SLC22A11: variants seen among roughly 807,000 people sequenced by gnomAD.
SLC22A11 encodes organic anion transporter 4.
A neutral mutation model predicts 49.4 loss-of-function variants in SLC22A11; 42 were observed. That is an observed-to-expected ratio of 0.85 (90% CI 0.66 to 1.10). The LOEUF (loss-of-function observed/expected upper bound fraction) is 1.10, where lower values mean the gene tolerates loss of function less well. Ranked by LOEUF, SLC22A11 falls within the 50% of genes least tolerant of loss-of-function variation. The pLI, the probability that SLC22A11 is intolerant of heterozygous loss-of-function variation, is 0.00. For missense variants in SLC22A11, 685 were observed against 731.6 expected, an observed-to-expected ratio of 0.94 and a Z score of 0.74; for synonymous variants, 304 against 315.8, an observed-to-expected ratio of 0.96 and a Z score of 0.40.
rs1565123713 is a variant in SLC22A11 at position 64,567,684 on chromosome 11, G to A, written c.1144G>A (p.Gly382Arg). The A allele has an allele frequency of 3.1e-6, 5 of 1,613,956 alleles. No homozygotes were observed. Among genetic ancestry groups the A allele is most frequent in the Admixed American group, 1.7e-5 (1 of 60,024 alleles). The change falls in exon 7 of 10, where the codon GGG becomes AGG. Residue 382 changes from glycine (G) to arginine (R), a missense_variant. By Grantham distance (125) the Gly-to-Arg change is moderately radical (BLOSUM62 -2). Coordinates refer to ENST00000301891, the MANE Select transcript of SLC22A11 (RefSeq NM_018484.4). ...CATCTTCCTCCTCCAGGCCCTCTTCGGGGCCGTGGACTTCCTGGGCCGGGC... is the reference window on the plus strand; with the variant it reads ...CATCTTCCTCCTCCAGGCCCTCTTCAGGGCCGTGGACTTCCTGGGCCGGGC... ...RDIFLLQALFGAVDFLGRATT... is the reference protein window; with the variant it reads ...RDIFLLQALFRAVDFLGRATT...
intron 2 of SLC22A11, among the ~76,000 whole-genome samples, chr11:64,561,604 T>C (rs559157184): frequency 1.2e-4 from 8 of 69,392 alleles, no homozygotes; most frequent in African/African-American, 7.4e-4. Context: ...ACCTGGCTAA[T>C]TTATTTATTT....
chr11:64,556,456 T>C, intron 1 of SLC22A11, 64 bp downstream of exon 1: 1 of 1,574,766 alleles, frequency 6.4e-7, no homozygotes, highest in Non-Finnish European at 8.6e-7. Context: ...TGGATCAGGT[T>C]GGTTGGACTC....
chr11:64,561,858 G>C, intron 2 of SLC22A11, 146 bp from the exon 3 acceptor site: 1 of 895,984 alleles, frequency 1.1e-6, no homozygotes. Context: ...AGCACTCTGA[G>C]TGTACCCCTA....
Position 64,565,534 on chromosome 11 carries a change from T to G in SLC22A11, c.1058+197T>G. ...GCAGCAGAGAGGGACTATGCACAGG[T>G]GGGATCTGGAGGCTGCCATCTGCAG... On this transcript the variant is annotated intron_variant, in intron 6 of 9. Coordinates refer to ENST00000301891, the MANE Select transcript of SLC22A11 (RefSeq NM_018484.4). This position sits in a 1 kb window ranked among gnomAD's most constrained non-coding sequence, Gnocchi z 4.1. 3.1e-6 allele frequency: 2 copies of G among 652,610 alleles called. No homozygotes were observed. Among genetic ancestry groups the G allele is most frequent in the South Asian group, 3.0e-5 (2 of 66,270 alleles). 40.4% of individuals were successfully genotyped at this position (652,610 alleles called of 1,614,324 possible). A position where few individuals can be genotyped will look rare whatever the true frequency, so the allele number is the denominator to read the frequency against.
rs776086510 is a variant in SLC22A11 at position 64,562,250 on chromosome 11, G to A, written c.653-17G>A. The A allele has an allele frequency of 2.3e-5, 37 of 1,599,290 alleles. No individual in the cohort carries two copies. Among genetic ancestry groups the A allele is most frequent in the Non-Finnish European group, 2.8e-5 (33 of 1,170,082 alleles). On this transcript the variant is annotated splice_polypyrimidine_tract_variant and intron_variant, in intron 3 of 9. Transcript: ENST00000301891. This position sits in a 1 kb window ranked among gnomAD's most constrained non-coding sequence, Gnocchi z 4.4. ...CCGCCGCATGAGGCCTCACCTGCACGTGTCTGCATCCTTCAGTGGTGGAGT... is the reference window on the plus strand; with the variant it reads ...CCGCCGCATGAGGCCTCACCTGCACATGTCTGCATCCTTCAGTGGTGGAGT...
chr11:64,568,371 G>A (rs12272267), intron 7 of SLC22A11, among the ~76,000 whole-genome samples: 15,106 of 152,232 alleles, frequency 0.099, 2,502 homozygotes, highest in African/African-American at 0.34. Context: ...GAGGCATCTC[G>A]GGACCCTAGG....
At chr11:64,557,206 A>G (rs2038474655) in intron 1 of SLC22A11, among the ~76,000 whole-genome samples, 1 of 152,212 alleles carries the variant, frequency 6.6e-6, no homozygotes, top group African/African-American at 2.4e-5. Context: ...GATGGGTCCT[A>G]TGACAGTCCT....
Position 64,556,289 on chromosome 11 carries a change from A to T in SLC22A11, c.290A>T (p.Asp97Val). The stretch of plus-strand genomic sequence containing the variant: ...CGCCAGCCACAGTGGCAGCTCTTGG[A>T]CCCCAATGCCACGGCCACCAGCTGG... ...RFRQPQWQLL[D>V]PNATATSWSE... The change falls in exon 1 of 10, where the codon GAC (aspartate) becomes GTC (valine). Residue 97 changes from aspartate (D) to valine (V), a missense_variant. By Grantham distance (152) the Asp-to-Val change is radical. Coordinates refer to ENST00000301891, the MANE Select transcript of SLC22A11 (RefSeq NM_018484.4). 6.2e-7 allele frequency: 1 copy of T among 1,613,768 alleles called. No individual in the cohort carries two copies. Among genetic ancestry groups the T allele is most frequent in the Non-Finnish European group, 8.5e-7 (1 of 1,180,008 alleles).
chr11:64,556,365 C>T lies in SLC22A11; in HGVS notation c.366C>T (p.Ser122=), dbSNP rs2135418203. 7 of 1,612,064 alleles carry T rather than the reference C, an allele frequency of 4.3e-6. No homozygotes were observed. Among genetic ancestry groups the T allele is most frequent in the East Asian group, 2.2e-5 (1 of 44,874 alleles). The stretch of plus-strand genomic sequence containing the variant: ...TGGACGGCTGGGTCTATGACCGCAG[C>T]GTCTTCACCTCCACCATCGTGGCCA... ...PCVDGWVYDR[S]VFTSTIVAKW... Residue 122 remains serine, a synonymous_variant, in exon 1 of 10, where the codon AGC becomes AGT. Coordinates refer to ENST00000301891, the MANE Select transcript of SLC22A11 (RefSeq NM_018484.4).
At chr11:64,570,249 C>A (rs544401635) in intron 9 of SLC22A11, among the ~76,000 whole-genome samples, 42 of 152,334 alleles carry the variant, frequency 2.8e-4, no homozygotes, top group African/African-American at 1.0e-3. Context: ...GCAATTTTCC[C>A]ACAAAGAATT....
rs994420473 is a variant in SLC22A11 at position 64,560,387 on chromosome 11, C to A, written c.497+1149C>A. Reference sequence around the variant, plus strand: ...AAGCTGGCCCAAAGTCCTCCGAGGGCCCCACTGCACTGAGGACAGTCCCTT... The same window carrying A: ...AAGCTGGCCCAAAGTCCTCCGAGGGACCCACTGCACTGAGGACAGTCCCTT... On this transcript the variant is annotated intron_variant, in intron 2 of 9. Transcript: ENST00000301891. Among the ~76,000 whole-genome samples, 5 of 152,230 alleles carry A rather than the reference C, an allele frequency of 3.3e-5. No homozygotes were observed. The East Asian group carries it at 9.7e-4, about 29-fold the overall frequency.
intron 1 of SLC22A11, among the ~76,000 whole-genome samples, chr11:64,558,037 A>AT (rs1247544697): frequency 1.3e-5 from 2 of 152,040 alleles, no homozygotes; most frequent in Non-Finnish European, 2.9e-5. Flanking sequence ...ACCTCTGGTG[A>AT]TCCACCCGCC....
chr11:64,565,437 G>A lies in SLC22A11; in HGVS notation c.1058+100G>A, dbSNP rs551224728. On this transcript the variant is annotated intron_variant, in intron 6 of 9. Coordinates refer to ENST00000301891, the MANE Select transcript of SLC22A11 (RefSeq NM_018484.4). The surrounding 1 kb of genome is among the most constrained non-coding windows in gnomAD (Gnocchi z 4.1). ...AGAGCGTCCAGGGGAAACAGCACCCGCAGGCCTCAAGGGGGTGCATTTCTG... is the reference window on the plus strand; with the variant it reads ...AGAGCGTCCAGGGGAAACAGCACCCACAGGCCTCAAGGGGGTGCATTTCTG... 11 of 969,184 alleles carry A rather than the reference G, an allele frequency of 1.1e-5. No individual in the cohort carries two copies. Among genetic ancestry groups the A allele is most frequent in the East Asian group, 1.1e-4 (4 of 38,000 alleles). 60.0% of individuals were successfully genotyped at this position (969,184 alleles called of 1,614,324 possible). A position where few individuals can be genotyped will look rare whatever the true frequency, so the allele number is the denominator to read the frequency against.
intron 1 of SLC22A11, among the ~76,000 whole-genome samples, chr11:64,558,896 C>T (rs533833742): frequency 2.1e-4 from 32 of 152,324 alleles, no homozygotes; most frequent in Middle Eastern, 3.4e-3. Flanking sequence ...ATGAGGGGGG[C>T]CACTGGACCC....
chr11:64,568,592 G>T (rs1399719168), intron 7 of SLC22A11, 78 bp from the exon 8 acceptor site: 4 of 1,238,500 alleles, frequency 3.2e-6, no homozygotes, highest in Non-Finnish European at 4.8e-6. Context: ...CTCTGCTCCA[G>T]GCTGGCTGGC....
intron 1 of SLC22A11, 140 bp downstream of exon 1, chr11:64,556,532 A>G: frequency 3.0e-6 from 4 of 1,346,774 alleles, no homozygotes; most frequent in Non-Finnish European, 4.0e-6. Flanking sequence ...AGCCACACAC[A>G]GGGGAGTGGG....
intron 7 of SLC22A11, 32 bp from the exon 8 acceptor site, chr11:64,568,638 A>G: frequency 6.3e-7 from 1 of 1,593,462 alleles, no homozygotes; most frequent in African/African-American, 1.3e-5. Flanking sequence ...CCTCCAGGGC[A>G]AACCCCACTC....
At chr11:64,568,041 G>A (rs1204763288) in intron 7 of SLC22A11, among the ~76,000 whole-genome samples, 6 of 152,264 alleles carry the variant, frequency 3.9e-5, no homozygotes, top group African/African-American at 1.4e-4. Flanking sequence ...GGTGGCGGCA[G>A]AGCCGGGAGG....
At chr11:64,559,700 G>T in intron 2 of SLC22A11, among the ~76,000 whole-genome samples, 1 of 152,176 alleles carries the variant, frequency 6.6e-6, no homozygotes, top group Admixed American at 6.5e-5. Context: ...GGGAAGGGGC[G>T]GTGGGGAGGG....
Sources: allele counts gnomAD v4.1 joint callset (sites outside exome capture counted in the v4.1 genomes callset), GRCh38; gene constraint gnomAD v4.1.1; non-coding constraint Gnocchi (gnomAD v3.1); transcripts MANE v1.5; gene names NCBI Gene and HGNC (gene_info 2026-07-23, HGNC 2026-07-21).